Variants in FAM153A observed in about 807,000 individuals in gnomAD.
The protein encoded by FAM153A is protein FAM153A.
Under a neutral mutation model 48.1 loss-of-function variants are expected in FAM153A, and 12 were observed. That is an observed-to-expected ratio of 0.25 (90% confidence interval 0.16 to 0.40). The LOEUF is 0.40. Ranked by LOEUF, FAM153A falls within the 10% of genes least tolerant of loss-of-function variation. The pLI, the probability that FAM153A is intolerant of heterozygous loss-of-function variation, is 1.00. For missense variants in FAM153A, 111 were observed against 345.8 expected (o/e 0.32, Z 5.38); for synonymous variants, 36 against 118.2 (o/e 0.30, Z 4.51).
At chr5:177,705,451 T>G (rs566153879), downstream of FAM153A, among the ~76,000 whole-genome samples, 8 of 151,090 alleles carry the variant, frequency 5.3e-5, no homozygotes, top group African/African-American at 2.0e-4. Context: ...ATGCTGCTTG[T>G]ACAGACTGCA....
At chr5:177,729,530 A>G (rs774447699) in exon 17 of FAM153A, 8 of 1,608,856 alleles carry the variant, frequency 5.0e-6, no homozygotes, top group African/African-American at 1.4e-5. Flanking sequence ...GCTCTGGCAC[A>G]TGCTCCTCCA....
At chr5:177,716,810 C>T (rs531509608) in intron 24 of FAM153A, among the ~76,000 whole-genome samples, 1 of 151,874 alleles carries the variant, frequency 6.6e-6, no homozygotes, top group African/African-American at 2.4e-5. Context: ...TCTTCTTTTT[C>T]TTTTGTGAGA....
chr5:177,749,166 G>A (rs1582449679), intron 2 of FAM153A, among the ~76,000 whole-genome samples: 4 of 151,004 alleles, frequency 2.6e-5, no homozygotes, highest in Admixed American at 1.3e-4. Flanking sequence ...TAATAATCAA[G>A]TGCACACTTC....
the FAM153A span, among the ~76,000 whole-genome samples, chr5:177,702,109 C>T: frequency 2.0e-5 from 3 of 151,732 alleles, no homozygotes; most frequent in East Asian, 1.9e-4. Flanking sequence ...GGGGTTTCAC[C>T]GTGTTAGCCA....
chr5:177,717,645 C>T (rs1260495240), downstream of FAM153A, among the ~76,000 whole-genome samples: 1 of 144,772 alleles, frequency 6.9e-6, no homozygotes, highest in Non-Finnish European at 1.5e-5. Context: ...CATCAGCAAT[C>T]GTGGGACAAA....
At chr5:177,709,255 ATC>A (rs1295770774), downstream of FAM153A, among the ~76,000 whole-genome samples, 1 of 119,086 alleles carries the variant, frequency 8.4e-6, no homozygotes, top group Admixed American at 9.7e-5. Flanking sequence ...ACAAAAAGGA[ATC>A]TTTTTTTTTT....
chr5:177,761,434 C>T (rs147939945), intron 1 of FAM153A, among the ~76,000 whole-genome samples: 117 of 152,022 alleles, frequency 7.7e-4, no homozygotes, highest in South Asian at 2.5e-3. Flanking sequence ...CTCCCCTGGC[C>T]GACTACATCA....
the FAM153A span, among the ~76,000 whole-genome samples, chr5:177,702,822 T>TCA: frequency 6.6e-6 from 1 of 151,852 alleles, no homozygotes; most frequent in South Asian, 2.1e-4. Context: ...GCCTGTGAGT[T>TCA]CAGAGTGCAA....
intron 2 of FAM153A, among the ~76,000 whole-genome samples, chr5:177,749,685 G>A (rs141222736): frequency 0.013 from 1,610 of 125,798 alleles, 47 homozygotes; most frequent in African/African-American, 0.047. Context: ...AAATTTCCTA[G>A]CTTAGATGAA....
intron 1 of FAM153A, among the ~76,000 whole-genome samples, chr5:177,769,073 A>T (rs1768946408): frequency 1.1e-5 from 1 of 89,550 alleles, no homozygotes; most frequent in African/African-American, 4.5e-5. Flanking sequence ...GAAATCCAAA[A>T]AAAAAAAAAA....
At chr5:177,706,046 G>GTT (rs1230710107), downstream of FAM153A, among the ~76,000 whole-genome samples, 5 of 151,750 alleles carry the variant, frequency 3.3e-5, no homozygotes, top group Non-Finnish European at 7.4e-5. Context: ...ATATGTCAGT[G>GTT]TTTCCCAAAT....
the FAM153A span, among the ~76,000 whole-genome samples, chr5:177,696,341 C>T: frequency 2.0e-4 from 29 of 146,646 alleles, no homozygotes; most frequent in East Asian, 4.1e-4. Flanking sequence ...CCCAGATGGG[C>T]GGCCGGGCAG....
At chr5:177,772,418 G>A (rs1258673490) in intron 1 of FAM153A, among the ~76,000 whole-genome samples, 1 of 59,148 alleles carries the variant, frequency 1.7e-5, no homozygotes, top group Non-Finnish European at 3.2e-5. Flanking sequence ...TGCGCGAGCC[G>A]AAGCAGGGCG....
At chr5:177,710,137 G>C (rs1354451978), downstream of FAM153A, among the ~76,000 whole-genome samples, 2 of 148,568 alleles carry the variant, frequency 1.3e-5, no homozygotes, top group African/African-American at 2.5e-5. Flanking sequence ...TCCCTGAGAC[G>C]GAGTCTCACC....
At chr5:177,738,967 A>G (rs1765122257) in intron 10 of FAM153A, 146 bp downstream of exon 12, 1 of 522,868 alleles carries the variant, frequency 1.9e-6, no homozygotes, top group African/African-American at 2.1e-5. Context: ...ACTCGTCAGT[A>G]CACTCTTAGA....
At chr5:177,702,076 T>A in the FAM153A span, among the ~76,000 whole-genome samples, 2 of 151,438 alleles carry the variant, frequency 1.3e-5, no homozygotes, top group Non-Finnish European at 2.9e-5. Context: ...CCCGGCTAAT[T>A]TTTTTGTATT....
In FAM153A at chr5:177,741,434, G is replaced by A. The variant is rs1765413971; in HGVS notation, c.365-102C>T. The stretch of plus-strand genomic sequence containing the variant: ...ACGGGGCTGGCACATGTAGACAAGG[G>A]GGGTTAACTACAAAAAAGGACCTCC... On this transcript the variant is annotated intron_variant, in intron 6 of 20. Transcript: ENST00000614127. 14 of 872,036 alleles carry A rather than the reference G, an allele frequency of 1.6e-5. 4 individuals are homozygous for A. The South Asian group carries it at 2.5e-4, about 16-fold the overall frequency. 54.0% of individuals were successfully genotyped at this position (872,036 alleles called of 1,614,324 possible). A position where few individuals can be genotyped will look rare whatever the true frequency, so the allele number is the denominator to read the frequency against.
At chr5:177,768,580 A>AAGATCC (rs1323022390) in intron 1 of FAM153A, among the ~76,000 whole-genome samples, 17 of 136,858 alleles carry the variant, frequency 1.2e-4, no homozygotes, top group African/African-American at 4.8e-4. Flanking sequence ...CAAATGAGTT[A>AAGATCC]AGATCCAGAG....
chr5:177,707,606 C>CGT (rs1757980263), downstream of FAM153A, among the ~76,000 whole-genome samples: 1 of 150,816 alleles, frequency 6.6e-6, no homozygotes, highest in African/African-American at 2.4e-5. Context: ...GGAAAGGTGA[C>CGT]GTCCCTGATT....
Sources: gnomAD v4.1 joint callset for allele counts (sites outside exome capture counted in the v4.1 genomes callset) on GRCh38, gnomAD v4.1.1 for gene constraint, MANE v1.5 for transcripts, NCBI Gene and HGNC (gene_info 2026-07-23, HGNC 2026-07-21) for gene names.